Variants in RIOX1 observed in about 807,000 individuals in gnomAD.
The protein encoded by RIOX1 is ribosomal oxygenase 1, also known as 60S ribosomal protein L8 histidine hydroxylase.
In RIOX1, 33 loss-of-function variants were observed where a neutral mutation model predicts 44.6. The observed-to-expected ratio is 0.74, with a 90% CI of 0.56 to 0.99. The LOEUF (loss-of-function observed/expected upper bound fraction) is 0.99. Ranked by LOEUF, RIOX1 falls within the 50% of genes least tolerant of loss-of-function variation. The pLI is 0.00. For missense variants in RIOX1, 821 were observed against 871.7 expected (o/e 0.94, Z 0.73); for synonymous variants, 387 against 395.8 (o/e 0.98, Z 0.26).
In RIOX1 at chr14:73,492,464, G is replaced by T; in HGVS notation, c.1447G>T (p.Val483Phe). The T allele has an allele frequency of 1.9e-6, 3 of 1,613,834 alleles. No homozygotes were observed. Among genetic ancestry groups the T allele is most frequent in the Non-Finnish European group, 2.5e-6 (3 of 1,179,834 alleles). ...AACCGCTTTCATGGAGAAGGTGCGG[G>T]TCTTGGTTGCCCGCCTGGGACACTT... ...RRTAFMEKVR[V>F]LVARLGHFAP... The change falls in exon 1 of 1, where the codon GTC (valine) becomes TTC (phenylalanine). Residue 483 changes from valine to phenylalanine, a missense_variant. Coordinates refer to ENST00000304061, the MANE Select transcript of RIOX1 (RefSeq NM_024644.5). The surrounding 1 kb of genome is among the most constrained non-coding windows in gnomAD (Gnocchi z 4.9).
chr14:73,492,621 C>G lies in RIOX1; in HGVS notation c.1604C>G (p.Pro535Arg). The change falls in exon 1 of 1, where the codon CCT becomes CGT. Residue 535 changes from proline to arginine, a missense_variant. Pro to Arg is a moderately radical substitution (Grantham distance 103). Around this residue, in one of 2 missense-constraint regions of RIOX1, gnomAD observed 267 missense variants for 340.5 expected, o/e 0.78. Coordinates refer to ENST00000304061, the MANE Select transcript of RIOX1 (RefSeq NM_024644.5). The surrounding 1 kb of genome is among the most constrained non-coding windows in gnomAD (Gnocchi z 4.9). ...CCAATTCGCTGGGAGGCTGGAGAAC[C>G]TGTAAACGTGGGGGCCCAGTTGACA... ...GLPIRWEAGE[P>R]VNVGAQLTTE... 1 of 1,613,878 alleles carries G rather than the reference C, an allele frequency of 6.2e-7. No individual in the cohort carries two copies. The highest frequency in any genetic ancestry group is 2.2e-5 in the East Asian group (1 of 44,882).
In RIOX1 at chr14:73,491,207, G is replaced by A; in HGVS notation, c.190G>A (p.Glu64Lys). Residue 64 changes from glutamate to lysine, a missense_variant, in exon 1 of 1, where the codon GAG (glutamate) becomes AAG (lysine). Physicochemically the swap from Glu to Lys is moderately conservative, Grantham distance 56. Around this residue, in one of 2 missense-constraint regions of RIOX1, gnomAD observed 554 missense variants for 531.2 expected, o/e 1.04. Transcript: ENST00000304061. Reference protein sequence around the residue: ...RTQTLPSENSEESRVESTADD... With the variant: ...RTQTLPSENSKESRVESTADD... ...GCAGACGCTGCCTAGCGAGAACTCG[G>A]AGGAATCGAGGGTGGAGTCGACGGC... The A allele has an allele frequency of 6.3e-7, 1 of 1,594,872 alleles. No homozygotes were observed. The highest frequency in any genetic ancestry group is 2.3e-5 in the East Asian group (1 of 43,720).
Position 73,493,236 on chromosome 14 carries a change from T to A in RIOX1, c.*293T>A. The A allele has an allele frequency of 2.4e-6, 2 of 830,212 alleles. No individual in the cohort carries two copies. The highest frequency in any genetic ancestry group is 1.7e-5 in the African/African-American group (1 of 58,416). 51.4% of individuals were successfully genotyped at this position (830,212 alleles called of 1,614,324 possible). Reference sequence around the variant, plus strand: ...CAGGCTTCAGTGTACTGGGTAACACTGACCATGTCGTTCTGCTTGAGACAG... The same window carrying A: ...CAGGCTTCAGTGTACTGGGTAACACAGACCATGTCGTTCTGCTTGAGACAG... On this transcript the variant is annotated 3_prime_UTR_variant, in exon 1 of 1. Transcript: ENST00000304061.
At position 73,491,051 on chromosome 14, in the gene RIOX1, A is replaced by G. The variant is rs1300284297; in HGVS notation, c.34A>G (p.Arg12Gly). 3.1e-6 allele frequency: 5 copies of G among 1,589,430 alleles called. No homozygotes were observed. In the Admixed American group the frequency reaches 8.7e-5, roughly 28 times the overall value. ...GCTCCAGGCCAGTGCAGGGCCGTTG[A>G]GGCGCGGGCGGCCGAAGCGCCGGCG... ...DGLQASAGPL[R>G]RGRPKRRRKP... The change falls in exon 1 of 1, where the codon AGG becomes GGG. Residue 12 changes from arginine (R) to glycine (G), a missense_variant. Arg to Gly is a moderately radical substitution (Grantham distance 125). Coordinates refer to ENST00000304061, the MANE Select transcript of RIOX1 (RefSeq NM_024644.5).
rs11410201 is a variant in RIOX1, at chr14:73,492,999, CT to C, written c.*72del. ...AGTGATTCTCCGCTGCCACTGCTAC[CT>C]TTTTTTTTTTTTTTTCCTTAAACTC... On this transcript the variant is annotated 3_prime_UTR_variant, in exon 1 of 1. Coordinates refer to ENST00000304061, the MANE Select transcript of RIOX1 (RefSeq NM_024644.5). This position sits in a 1 kb window ranked among gnomAD's most constrained non-coding sequence, Gnocchi z 4.9. The C allele has an allele frequency of 0.033, 46,484 of 1,418,754 alleles. 2 individuals carry two copies. Among genetic ancestry groups the C allele is most frequent in the South Asian group, 0.038 (2,803 of 74,568 alleles). 87.9% of individuals were successfully genotyped at this position (1,418,754 alleles called of 1,614,324 possible). A position where few individuals can be genotyped will look rare whatever the true frequency, so the allele number is the denominator to read the frequency against.
At position 73,492,780 on chromosome 14, in the gene RIOX1, A is replaced by T. The variant is rs769362135; in HGVS notation, c.1763A>T (p.Tyr588Phe). ...HLEEPKCLEI[Y>F]PQQADAMELL... The stretch of plus-strand genomic sequence containing the variant: ...GAAGAACCCAAGTGCTTGGAAATAT[A>T]CCCCCAGCAAGCTGATGCCATGGAA... Residue 588 changes from tyrosine (Y) to phenylalanine (F), a missense_variant, in exon 1 of 1, where the codon TAC becomes TTC. This residue lies in a region of RIOX1 where 267 missense variants were observed against 340.5 expected (regional missense o/e 0.78). Transcript: ENST00000304061. The surrounding 1 kb of genome is among the most constrained non-coding windows in gnomAD (Gnocchi z 4.9). The T allele has an allele frequency of 1.9e-6, 3 of 1,613,796 alleles. No individual in the cohort carries two copies. In the Admixed American group the frequency reaches 5.0e-5, roughly 27 times the overall value.
At position 73,490,949 on chromosome 14, in the gene RIOX1, G is replaced by T; in HGVS notation, c.-69G>T. ...CCCCTTCCCAGAGTGCACCGCAGCC[G>T]CTGCATTCAGGAACCGCTTTAGCTT... On this transcript the variant is annotated 5_prime_UTR_variant, in exon 1 of 1. Transcript: ENST00000304061. 1 of 1,283,090 alleles carries T rather than the reference G, an allele frequency of 7.8e-7. No individual in the cohort carries two copies. Among genetic ancestry groups the T allele is most frequent in the Non-Finnish European group, 9.9e-7 (1 of 1,010,208 alleles). 79.5% of individuals were successfully genotyped at this position (1,283,090 alleles called of 1,614,324 possible).
chr14:73,493,015 T>TTC lies in RIOX1; in HGVS notation c.*72_*73insTC, dbSNP rs1555388541. On this transcript the variant is annotated 3_prime_UTR_variant, in exon 1 of 1. Transcript: ENST00000304061. ...CACTGCTACCTTTTTTTTTTTTTTT[T>TTC]CCTTAAACTCACGTTCTTACCTTGA... 172 of 1,572,500 alleles carry TTC rather than the reference T, an allele frequency of 1.1e-4. No individual in the cohort carries two copies. Among genetic ancestry groups the TTC allele is most frequent in the Non-Finnish European group, 1.3e-4 (153 of 1,161,228 alleles).
rs778190170 is a variant in RIOX1, at chr14:73,491,770, G to A, written c.753G>A (p.Leu251=). 1.3e-6 allele frequency: 2 copies of A among 1,569,452 alleles called. No homozygotes were observed. The highest frequency in any genetic ancestry group is 2.4e-5 in the East Asian group (1 of 41,978). The change falls in exon 1 of 1, where the codon CTG becomes CTA. Residue 251 remains leucine (L), a synonymous_variant. Coordinates refer to ENST00000304061, the MANE Select transcript of RIOX1 (RefSeq NM_024644.5). ...LFSTADLDSM[L]RNEEVQFGQH... ...CTACCGCTGACCTGGATTCGATGCTGCGCAACGAGGAGGTGCAGTTCGGCC... is the reference window on the plus strand; with the variant it reads ...CTACCGCTGACCTGGATTCGATGCTACGCAACGAGGAGGTGCAGTTCGGCC...
In RIOX1 at chr14:73,492,117, A is replaced by G; in HGVS notation, c.1100A>G (p.Glu367Gly). Residue 367 changes from glutamate to glycine, a missense_variant, in exon 1 of 1, where the codon GAG becomes GGG. Transcript: ENST00000304061. The surrounding 1 kb of genome is among the most constrained non-coding windows in gnomAD (Gnocchi z 4.9). ...GTATACCGACCCCGAGTCCCAACCGAGGAACTGGCTCTGACATCCAGCCCC... is the reference window on the plus strand; with the variant it reads ...GTATACCGACCCCGAGTCCCAACCGGGGAACTGGCTCTGACATCCAGCCCC... Reference protein sequence around the residue: ...WRVYRPRVPTEELALTSSPNF... With the variant: ...WRVYRPRVPTGELALTSSPNF... 6.2e-7 allele frequency: 1 copy of G among 1,613,850 alleles called. No homozygotes were observed. The highest frequency in any genetic ancestry group is 8.5e-7 in the Non-Finnish European group (1 of 1,179,814).
chr14:73,492,640 G>A lies in RIOX1; in HGVS notation c.1623G>A (p.Gln541=). 1.2e-6 allele frequency: 2 copies of A among 1,614,018 alleles called. No homozygotes were observed. Among genetic ancestry groups the A allele is most frequent in the South Asian group, 2.2e-5 (2 of 91,078 alleles). The change falls in exon 1 of 1, where the codon CAG becomes CAA. Residue 541 remains glutamine, a synonymous_variant. Coordinates refer to ENST00000304061, the MANE Select transcript of RIOX1 (RefSeq NM_024644.5). This position sits in a 1 kb window ranked among gnomAD's most constrained non-coding sequence, Gnocchi z 4.9. ...EAGEPVNVGA[Q]LTTETEVHML... is the part of the protein sequence containing the mutation. ...GAGAACCTGTAAACGTGGGGGCCCA[G>A]TTGACAACAGAAACAGAAGTCCATA... is the stretch of plus-strand genomic sequence containing the variant.
At position 73,491,887 on chromosome 14, in the gene RIOX1, C is replaced by T. The variant is rs757911318; in HGVS notation, c.870C>T (p.Tyr290=). The change falls in exon 1 of 1, where the codon TAC becomes TAT. Residue 290 remains tyrosine (Y), a synonymous_variant. Transcript: ENST00000304061. The part of the protein sequence containing the change: ...RALPAAAWSL[Y]QAGCSLRLLC... ...TGCCCGCCGCCGCGTGGTCCCTGTA[C>T]CAGGCCGGCTGCTCCCTGCGTCTCC... is the stretch of plus-strand genomic sequence containing the variant. 1.1e-5 allele frequency: 17 copies of T among 1,611,762 alleles called. No homozygotes were observed. The highest frequency in any genetic ancestry group is 9.9e-5 in the South Asian group (9 of 90,844).
Position 73,491,205 on chromosome 14 carries a change from C to T in RIOX1, c.188C>T (p.Ser63Leu). 1 of 1,594,034 alleles carries T rather than the reference C, an allele frequency of 6.3e-7. No homozygotes were observed. The highest frequency in any genetic ancestry group is 1.1e-5 in the South Asian group (1 of 88,120). ...LRTQTLPSEN[S>L]EESRVESTAD... ...ACGCAGACGCTGCCTAGCGAGAACT[C>T]GGAGGAATCGAGGGTGGAGTCGACG... is the stretch of plus-strand genomic sequence containing the variant. The change falls in exon 1 of 1, where the codon TCG becomes TTG. Residue 63 changes from serine (S) to leucine (L), a missense_variant. By Grantham distance (145) the Ser-to-Leu change is moderately radical. Around this residue, in one of 2 missense-constraint regions of RIOX1, gnomAD observed 554 missense variants for 531.2 expected, o/e 1.04. Transcript: ENST00000304061.
chr14:73,491,305 A>T lies in RIOX1; in HGVS notation c.288A>T (p.Pro96=). ...TCCCGGACGCAGCCCGGCGAGAGCC[A>T]TACGGCCACCTGGGGCCCGCAGAGC... is the stretch of plus-strand genomic sequence containing the variant. ...AAVPDAARRE[P]YGHLGPAELL... The change falls in exon 1 of 1, where the codon CCA becomes CCT. Residue 96 remains proline, a synonymous_variant. Transcript: ENST00000304061. 1 of 1,531,252 alleles carries T rather than the reference A, an allele frequency of 6.5e-7. No individual in the cohort carries two copies. Among genetic ancestry groups the T allele is most frequent in the Non-Finnish European group, 8.8e-7 (1 of 1,140,784 alleles). 94.9% of individuals were successfully genotyped at this position (1,531,252 alleles called of 1,614,324 possible).
chr14:73,490,999 A>G lies in RIOX1; in HGVS notation c.-19A>G. On this transcript the variant is annotated 5_prime_UTR_variant, in exon 1 of 1. Coordinates refer to ENST00000304061, the MANE Select transcript of RIOX1 (RefSeq NM_024644.5). The stretch of plus-strand genomic sequence containing the variant: ...TCGCCCCCGGCCGGCCGGGCGGGGA[A>G]GACTGGTGTGGTCTGGCCATGGATG... The G allele has an allele frequency of 7.3e-7, 1 of 1,373,876 alleles. No individual in the cohort carries two copies. Among genetic ancestry groups the G allele is most frequent in the Non-Finnish European group, 9.5e-7 (1 of 1,055,708 alleles). The allele number at this position is 1,373,876 out of a possible 1,614,324, so 85.1% of individuals were successfully genotyped here. A position where few individuals can be genotyped will look rare whatever the true frequency, so the allele number is the denominator to read the frequency against.
rs1885671840 is a variant in RIOX1, at chr14:73,490,979, C to G, written c.-39C>G. The G allele has an allele frequency of 7.6e-7, 1 of 1,321,402 alleles. No individual in the cohort carries two copies. Among genetic ancestry groups the G allele is most frequent in the Non-Finnish European group, 9.7e-7 (1 of 1,029,110 alleles). The allele number at this position is 1,321,402 out of a possible 1,614,324, so 81.9% of individuals were successfully genotyped here. ...ATTCAGGAACCGCTTTAGCTTCGCC[C>G]CCGGCCGGCCGGGCGGGGAAGACTG... On this transcript the variant is annotated 5_prime_UTR_variant, in exon 1 of 1. Transcript: ENST00000304061.
chr14:73,492,923 A>C lies in RIOX1; in HGVS notation c.1906A>C (p.Met636Leu). 1 of 1,612,938 alleles carries C rather than the reference A, an allele frequency of 6.2e-7. No homozygotes were observed. Among genetic ancestry groups the C allele is most frequent in the Non-Finnish European group, 8.5e-7 (1 of 1,179,656 alleles). Residue 636 changes from methionine to leucine, a missense_variant, in exon 1 of 1, where the codon ATG becomes CTG. Around this residue, in one of 2 missense-constraint regions of RIOX1, gnomAD observed 267 missense variants for 340.5 expected, o/e 0.78. Coordinates refer to ENST00000304061, the MANE Select transcript of RIOX1 (RefSeq NM_024644.5). This position sits in a 1 kb window ranked among gnomAD's most constrained non-coding sequence, Gnocchi z 4.9. ...TGATAAGGGGCTGCTGCTCACTAAG[A>C]TGCCTCTAGCCCTAAATTAGTTTCT... ...LYDKGLLLTK[M>L]PLALN
chr14:73,491,680 C>G lies in RIOX1; in HGVS notation c.663C>G (p.Arg221=). 1 of 1,549,814 alleles carries G rather than the reference C, an allele frequency of 6.5e-7. No individual in the cohort carries two copies. Among genetic ancestry groups the G allele is most frequent in the Non-Finnish European group, 8.7e-7 (1 of 1,146,704 alleles). The change falls in exon 1 of 1, where the codon CGC becomes CGG. Residue 221 remains arginine, a synonymous_variant. Transcript: ENST00000304061. ...TGCCGCCAGATCACTTTTACCGGCG[C>G]CTATGGGAGCGCGAGGCGGTGCTGG... ...APMPPDHFYR[R]LWEREAVLVR...
Position 73,492,173 on chromosome 14 carries a change from G to C in RIOX1, c.1156G>C (p.Val386Leu), listed in dbSNP as rs765631665. 1 of 1,613,966 alleles carries C rather than the reference G, an allele frequency of 6.2e-7. No homozygotes were observed. The highest frequency in any genetic ancestry group is 8.5e-7 in the Non-Finnish European group (1 of 1,179,894). The change falls in exon 1 of 1, where the codon GTG becomes CTG. Residue 386 changes from valine (V) to leucine (L), a missense_variant. Transcript: ENST00000304061. This position sits in a 1 kb window ranked among gnomAD's most constrained non-coding sequence, Gnocchi z 4.9. ...NFSQDDLGEPVLQTVLEPGDL... is the reference protein window; with the variant it reads ...NFSQDDLGEPLLQTVLEPGDL... The stretch of plus-strand genomic sequence containing the variant: ...CAGTCAGGACGACCTCGGTGAGCCG[G>C]TGCTGCAGACCGTGCTGGAACCTGG...
Sources: gnomAD v4.1 joint callset for allele counts on GRCh38, gnomAD v4.1.1 for gene constraint, gnomAD v4.1.1 regional missense constraint, Gnocchi (gnomAD v3.1) non-coding constraint, MANE v1.5 for transcripts, NCBI Gene and HGNC (gene_info 2026-07-23, HGNC 2026-07-21) for gene names.